The following MAP4K3 variants were observed in gnomAD, a reference collection of about 807,000 sequenced individuals.
MAP4K3 encodes the protein mitogen-activated protein kinase kinase kinase kinase 3.
MAP4K3 carries 94 observed loss-of-function variants against 143.5 expected under a neutral mutation model. That is an observed-to-expected ratio of 0.65 (90% CI 0.55 to 0.78). The LOEUF is 0.78. Ranked by LOEUF, MAP4K3 falls within the 30% of genes least tolerant of loss-of-function variation. The probability of loss-of-function intolerance (pLI) is 0.00; values close to 1 mark genes in which losing one functional copy is unlikely to be tolerated. For missense variants in MAP4K3, 1,077 were observed against 1,068.1 expected (o/e 1.01, Z -0.12); for synonymous variants, 416 against 347.2 (o/e 1.20, Z -2.20).
At chr2:39,430,236 C>A (rs950185345) in intron 1 of MAP4K3, among the ~76,000 whole-genome samples, 1 of 152,106 alleles carries the variant, frequency 6.6e-6, no homozygotes, top group Non-Finnish European at 1.5e-5. Context: ...GTAGATGATC[C>A]TTTATACAGA....
chr2:39,353,736 TAGCAGCAGCAGCAGCAGCAGC>T (rs150401154), intron 3 of MAP4K3, among the ~76,000 whole-genome samples: 3 of 151,166 alleles, frequency 2.0e-5, no homozygotes, highest in African/African-American at 7.3e-5. Flanking sequence ...GTAGTAGTAG[TAGCAGCAGCAGCAGCAGCAGC>T]AGCAGCAGCA....
chr2:39,321,261 GA>G (rs1683290609), intron 12 of MAP4K3, among the ~76,000 whole-genome samples: 1 of 152,162 alleles, frequency 6.6e-6, no homozygotes, highest in Non-Finnish European at 1.5e-5. Flanking sequence ...CTTCTGCCTT[GA>G]CATTCTGTTA....
intron 3 of MAP4K3, among the ~76,000 whole-genome samples, chr2:39,350,580 G>A (rs1164353152): frequency 2.6e-5 from 4 of 152,090 alleles, no homozygotes; most frequent in African/African-American, 9.7e-5. Context: ...AGATCCAGTT[G>A]TTTCCCTTCT....
At chr2:39,388,945 A>C (rs1204861546) in intron 1 of MAP4K3, among the ~76,000 whole-genome samples, 2 of 152,230 alleles carry the variant, frequency 1.3e-5, no homozygotes, top group African/African-American at 2.4e-5. Flanking sequence ...GCATAAAAGG[A>C]AACAAACCAC....
intron 1 of MAP4K3, among the ~76,000 whole-genome samples, chr2:39,423,908 C>A (rs1664974390): frequency 6.6e-6 from 1 of 152,160 alleles, no homozygotes; most frequent in Non-Finnish European, 1.5e-5. Flanking sequence ...AAACTATGAA[C>A]TTTAATTAAC....
intron 12 of MAP4K3, among the ~76,000 whole-genome samples, chr2:39,319,106 C>T (rs1038335640): frequency 2.0e-5 from 3 of 152,104 alleles, no homozygotes; most frequent in African/African-American, 7.2e-5. Context: ...GATTATCTGG[C>T]CCAAAATGTC....
chr2:39,345,715 C>A (rs949917812), intron 3 of MAP4K3, among the ~76,000 whole-genome samples: 1 of 151,724 alleles, frequency 6.6e-6, no homozygotes, highest in African/African-American at 2.4e-5. Flanking sequence ...GTCAGGAGAT[C>A]GAGACCATCC....
intron 20 of MAP4K3, among the ~76,000 whole-genome samples, chr2:39,287,303 T>TC (rs892602150): frequency 6.6e-6 from 1 of 151,574 alleles, no homozygotes; most frequent in African/African-American, 2.4e-5. Flanking sequence ...TTGCTCTTTT[T>TC]TTTTTTTGAG....
At chr2:39,371,331 T>C (rs1041231473) in intron 2 of MAP4K3, among the ~76,000 whole-genome samples, 7 of 152,198 alleles carry the variant, frequency 4.6e-5, no homozygotes, top group Non-Finnish European at 1.0e-4. Flanking sequence ...AGGTTCTTTG[T>C]CCTTATAAGC....
chr2:39,367,903 C>T (rs750811902), intron 2 of MAP4K3, among the ~76,000 whole-genome samples: 20 of 152,116 alleles, frequency 1.3e-4, no homozygotes, highest in Non-Finnish European at 2.6e-4. Flanking sequence ...CCCAAAGAAC[C>T]AGTTCCACTC....
At chr2:39,270,531 G>A (rs561121926) in intron 26 of MAP4K3, among the ~76,000 whole-genome samples, 1 of 152,168 alleles carries the variant, frequency 6.6e-6, no homozygotes, top group Non-Finnish European at 1.5e-5. Context: ...TTACATACAC[G>A]ATTTATCATT....
In MAP4K3 at chr2:39,333,565, T is replaced by C. The variant is rs1176717891; in HGVS notation, c.424A>G (p.Ile142Val). ...KMHRDIKGAN[I>V]LLTDNGHVKL... is the part of the protein sequence containing the mutation. ...ACATGACCATTATCCGTTAATAGAA[T>C]GTTAGCTCCCTTCAAAGTAACAATA... The change falls in exon 7 of 34, where the codon ATT becomes GTT. Residue 142 changes from isoleucine to valine, a missense_variant. Physicochemically the swap from Ile to Val is conservative, Grantham distance 29. Transcript: ENST00000263881. 1 of 1,602,252 alleles carries C rather than the reference T, an allele frequency of 6.2e-7. No individual in the cohort carries two copies. Among genetic ancestry groups the C allele is most frequent in the Non-Finnish European group, 8.5e-7 (1 of 1,170,656 alleles).
At chr2:39,251,035 CA>C in intron 33 of MAP4K3, among the ~76,000 whole-genome samples, 1 of 152,312 alleles carries the variant, frequency 6.6e-6, no homozygotes, top group African/African-American at 2.4e-5. Flanking sequence ...GCTAAATTGC[CA>C]GGGTCTGACC....
At chr2:39,333,224 C>G (rs1282667626) in intron 7 of MAP4K3, among the ~76,000 whole-genome samples, 1 of 152,068 alleles carries the variant, frequency 6.6e-6, no homozygotes, top group Non-Finnish European at 1.5e-5. Context: ...TTTTTGGTTA[C>G]AAGGTAATTC....
At chr2:39,352,591 A>C (rs2148547288) in intron 3 of MAP4K3, among the ~76,000 whole-genome samples, 1 of 152,318 alleles carries the variant, frequency 6.6e-6, no homozygotes, top group South Asian at 2.1e-4. Context: ...AAAATTTTTA[A>C]ATGTTAATGC....
chr2:39,294,776 C>T (rs1037373504), intron 16 of MAP4K3, among the ~76,000 whole-genome samples: 1 of 152,138 alleles, frequency 6.6e-6, no homozygotes, highest in Admixed American at 6.5e-5. Context: ...TTCTTTATTA[C>T]TATTGGCTAA....
At chr2:39,328,948 A>T (rs1250465942) in intron 8 of MAP4K3, among the ~76,000 whole-genome samples, 3 of 152,220 alleles carry the variant, frequency 2.0e-5, no homozygotes. Context: ...TTTTTCGAAC[A>T]ACTGAATAAC....
At chr2:39,273,189 A>G (rs1401728294) in intron 24 of MAP4K3, among the ~76,000 whole-genome samples, 1 of 152,150 alleles carries the variant, frequency 6.6e-6, no homozygotes, top group Non-Finnish European at 1.5e-5. Flanking sequence ...CAATCTATAT[A>G]TTTAAAAAAA....
chr2:39,319,674 A>C (rs1683239865), intron 12 of MAP4K3, among the ~76,000 whole-genome samples: 1 of 152,180 alleles, frequency 6.6e-6, no homozygotes, highest in Non-Finnish European at 1.5e-5. Context: ...CTACTATATA[A>C]ATGTCATATG....
Sources: allele counts gnomAD v4.1 joint callset (sites outside exome capture counted in the v4.1 genomes callset), GRCh38; gene constraint gnomAD v4.1.1; transcripts MANE v1.5; gene names NCBI Gene and HGNC (gene_info 2026-07-23, HGNC 2026-07-21).